Variants in COL4A1 observed in about 807,000 individuals in gnomAD.
COL4A1 encodes collagen alpha-1(IV) chain.
In COL4A1, 40 loss-of-function variants were observed where a neutral mutation model predicts 216.6. The ratio of observed to expected loss-of-function variants is 0.18; its 90% CI spans 0.14 to 0.24. The LOEUF is 0.24. COL4A1 is among the 10% of genes least tolerant of loss of function. COL4A1 has a pLI of 1.00. For missense variants in COL4A1, 1,628 were observed against 2,196.8 expected (o/e 0.74, Z 5.18); for synonymous variants, 839 against 810.7 (o/e 1.03, Z -0.59).
chr13:110,227,387 GACAC>G (rs373355054), intron 2 of COL4A1, among the ~76,000 whole-genome samples: 13,049 of 138,678 alleles, frequency 0.094, 685 homozygotes, highest in East Asian at 0.18. Flanking sequence ...GGGTACGGTA[GACAC>G]ACACACACAC....
chr13:110,199,134 C>T (rs1217756677), intron 20 of COL4A1, among the ~76,000 whole-genome samples: 2 of 152,138 alleles, frequency 1.3e-5, no homozygotes, highest in Non-Finnish European at 2.9e-5. Context: ...AGGTCAGGTT[C>T]AGCCACTGTA....
At position 110,207,618 on chromosome 13, in the gene COL4A1, C is replaced by G. The variant is rs572178495; in HGVS notation, c.694-129G>C. 1.4e-6 allele frequency: 1 copy of G among 719,562 alleles called. No individual in the cohort carries two copies. Among genetic ancestry groups the G allele is most frequent in the East Asian group, 2.7e-5 (1 of 37,358 alleles). 44.6% of individuals were successfully genotyped at this position (719,562 alleles called of 1,614,324 possible). On this transcript the variant is annotated intron_variant, in intron 12 of 51. Transcript: ENST00000375820. The surrounding 1 kb of genome is among the most constrained non-coding windows in gnomAD (Gnocchi z 4.4). Reference sequence around the variant, plus strand: ...AAATGTAATTATACTCTATTCTGTTCTAATCATCCTTGCCTCTGCAGAAAA... The same window carrying G: ...AAATGTAATTATACTCTATTCTGTTGTAATCATCCTTGCCTCTGCAGAAAA...
intron 2 of COL4A1, among the ~76,000 whole-genome samples, chr13:110,233,579 C>T (rs942335506): frequency 2.0e-5 from 3 of 152,096 alleles, no homozygotes; most frequent in African/African-American, 4.8e-5. Flanking sequence ...GGTAAGTACA[C>T]GCACATTGGG....
At chr13:110,240,877 T>A (rs1881535558) in intron 2 of COL4A1, among the ~76,000 whole-genome samples, 1 of 152,098 alleles carries the variant, frequency 6.6e-6, no homozygotes, top group South Asian at 2.1e-4. Context: ...TGGTTTTTGG[T>A]TTTTGGTTTT....
intron 50 of COL4A1, among the ~76,000 whole-genome samples, chr13:110,152,927 A>G (rs1315457155): frequency 1.3e-5 from 2 of 152,268 alleles, no homozygotes; most frequent in Non-Finnish European, 2.9e-5. Flanking sequence ...TATTTGCTAT[A>G]TTAGATGCTA....
chr13:110,181,519 C>T, intron 28 of COL4A1, 130 bp from the exon 29 acceptor site: 2 of 971,908 alleles, frequency 2.1e-6, no homozygotes, highest in Non-Finnish European at 3.2e-6. Flanking sequence ...CTGTGGAGGC[C>T]TTCCGAGGTG....
chr13:110,298,101 G>C (rs1204313589), intron 1 of COL4A1, among the ~76,000 whole-genome samples: 5 of 151,922 alleles, frequency 3.3e-5, no homozygotes, highest in Non-Finnish European at 7.4e-5. Context: ...AAATATCTAT[G>C]ATCAACATGA....
chr13:110,215,193 T>G (rs1200745823), intron 2 of COL4A1, among the ~76,000 whole-genome samples: 2 of 152,164 alleles, frequency 1.3e-5, no homozygotes. Flanking sequence ...GTGCACCTCA[T>G]GCAAGATGCT....
chr13:110,301,421 T>A (rs1294244251), intron 1 of COL4A1, among the ~76,000 whole-genome samples: 2 of 152,248 alleles, frequency 1.3e-5, no homozygotes, highest in Non-Finnish European at 2.9e-5. Context: ...CCAAGCCATG[T>A]GGCAGCAACC....
In COL4A1 at chr13:110,267,486, G is replaced by A. The variant is rs1037927833; in HGVS notation, c.85-24752C>T. ...AAGCAGAAGGGCTTGAGGAATCTTT[G>A]CAAAGCATCCCTGTGCTGGAGCACC... On this transcript the variant is annotated intron_variant, in intron 1 of 51. Coordinates refer to ENST00000375820, the MANE Select transcript of COL4A1 (RefSeq NM_001845.6). 7.2e-5 allele frequency among the ~76,000 whole-genome samples: 11 copies of A among 152,250 alleles called. 1 individual carries two copies. The highest frequency in any genetic ancestry group is 6.5e-4 in the Admixed American group (10 of 15,298).
intron 1 of COL4A1, among the ~76,000 whole-genome samples, chr13:110,246,580 C>T (rs965991370): frequency 1.3e-5 from 2 of 152,172 alleles, no homozygotes; most frequent in Non-Finnish European, 2.9e-5. Context: ...TGAGGAAATA[C>T]ACCTTGCATC....
rs1276557363 is a variant in COL4A1, at chr13:110,207,330, C to T, written c.780+73G>A. 2 of 1,319,402 alleles carry T rather than the reference C, an allele frequency of 1.5e-6. No individual in the cohort carries two copies. Among genetic ancestry groups the T allele is most frequent in the Non-Finnish European group, 1.1e-6 (1 of 911,236 alleles). 81.7% of individuals were successfully genotyped at this position (1,319,402 alleles called of 1,614,324 possible). On this transcript the variant is annotated intron_variant, in intron 13 of 51. Transcript: ENST00000375820. This position sits in a 1 kb window ranked among gnomAD's most constrained non-coding sequence, Gnocchi z 4.4. The stretch of plus-strand genomic sequence containing the variant: ...GTAGCTGGAAAAACTGAGTTTTGAC[C>T]CATTTTCTCTTTATCTTTTGGAATT...
At chr13:110,226,820 T>C (rs1880756762) in intron 2 of COL4A1, among the ~76,000 whole-genome samples, 1 of 152,242 alleles carries the variant, frequency 6.6e-6, no homozygotes, top group Middle Eastern at 3.2e-3. Flanking sequence ...TTTTTTCTTT[T>C]GTGTTTTGCT....
chr13:110,296,805 C>T (rs1884294599), intron 1 of COL4A1, among the ~76,000 whole-genome samples: 1 of 152,242 alleles, frequency 6.6e-6, no homozygotes, highest in South Asian at 2.1e-4. Flanking sequence ...CCATGAACCC[C>T]TCCTGGGGTT....
intron 1 of COL4A1, chr13:110,265,387 TCA>T (rs1882988482): frequency 6.6e-6 from 1 of 152,212 alleles, no homozygotes; most frequent in African/African-American, 2.4e-5. Flanking sequence ...AAAACAAGTC[TCA>T]CACAGTGTTG....
At position 110,205,491 on chromosome 13, in the gene COL4A1, T is replaced by TA. The variant is rs1162426605; in HGVS notation, c.903+2dup. ...CTTGTAAAAACCACAGAGAAACACTTACGGGACTCCCTTTTTCCCCTTTGT... is the reference window on the plus strand; with the variant it reads ...CTTGTAAAAACCACAGAGAAACACTTAACGGGACTCCCTTTTTCCCCTTTGT... On this transcript the variant is annotated splice_region_variant and intron_variant, in intron 16 of 51. Coordinates refer to ENST00000375820, the MANE Select transcript of COL4A1 (RefSeq NM_001845.6). 1 of 1,607,018 alleles carries TA rather than the reference T, an allele frequency of 6.2e-7. No homozygotes were observed. Among genetic ancestry groups the TA allele is most frequent in the Non-Finnish European group, 8.5e-7 (1 of 1,179,922 alleles).
At chr13:110,205,722 G>A (rs1879479069) in intron 15 of COL4A1, among the ~76,000 whole-genome samples, 184 bp from the exon 16 acceptor site, 1 of 152,100 alleles carries the variant, frequency 6.6e-6, no homozygotes. Context: ...AATTAGCTGG[G>A]TGTGGTGGCA....
At chr13:110,219,848 A>ATATATG (rs1566385753) in intron 2 of COL4A1, among the ~76,000 whole-genome samples, 3 of 74,788 alleles carry the variant, frequency 4.0e-5, no homozygotes, top group African/African-American at 1.4e-4. Flanking sequence ...ATATATGTGT[A>ATATATG]TATATATGTA....
At position 110,150,146 on chromosome 13, in the gene COL4A1, G is replaced by A. The variant is rs1326282347; in HGVS notation, c.*217C>T. ...TTTTATTTCATCAAAAGTGCCATTT[G>A]GTATGCCACTATTGAAAGCTTATCG... On this transcript the variant is annotated 3_prime_UTR_variant, in exon 52 of 52. Transcript: ENST00000375820. 5.0e-6 allele frequency: 3 copies of A among 603,156 alleles called. No individual in the cohort carries two copies. The highest frequency in any genetic ancestry group is 3.8e-5 in the South Asian group (2 of 53,144). 37.4% of individuals were successfully genotyped at this position (603,156 alleles called of 1,614,324 possible). A position where few individuals can be genotyped will look rare whatever the true frequency, so the allele number is the denominator to read the frequency against.
Sources: allele counts gnomAD v4.1 joint callset (sites outside exome capture counted in the v4.1 genomes callset), GRCh38; gene constraint gnomAD v4.1.1; non-coding constraint Gnocchi (gnomAD v3.1); transcripts MANE v1.5; gene names NCBI Gene and HGNC (gene_info 2026-07-23, HGNC 2026-07-21).